Variants in MROH2B observed in about 807,000 individuals in gnomAD.
MROH2B encodes the protein maestro heat like repeat family member 2B, also known as maestro heat-like repeat-containing protein family member 2B.
Under a neutral mutation model 208.6 loss-of-function variants are expected in MROH2B, and 177 were observed. The observed-to-expected ratio is 0.85, with a 90% CI of 0.75 to 0.96. The LOEUF is 0.96. Among genes scored for constraint, MROH2B ranks in the 40% least tolerant of loss-of-function variants. The pLI, the probability that MROH2B is intolerant of heterozygous loss-of-function variation, is 0.00. For synonymous variants in MROH2B, 728 were observed against 659.0 expected, an observed-to-expected ratio of 1.10 and a Z score of -1.60; for missense variants, 2,002 against 1,878.7, an observed-to-expected ratio of 1.07 and a Z score of -1.21.
chr5:41,057,562 C>CTTTTTTTTTTTTTTTTTTT (rs1743497906), intron 7 of MROH2B, among the ~76,000 whole-genome samples: 1 of 4,370 alleles, frequency 2.3e-4, no homozygotes, highest in African/African-American at 5.4e-4. Context: ...GAATATCCCT[C>CTTTTTTTTTTTTTTTTTTT]CTTTTTTTTT....
At position 41,055,771 on chromosome 5, in the gene MROH2B, G is replaced by A. The variant is rs1364865414; in HGVS notation, c.1004C>T (p.Thr335Ile). ...NNEAIRVGIL[T>I]LLRLAVNADE... is the part of the protein sequence containing the mutation. Reference sequence around the variant, plus strand: ...AGCATTGACAGCCAATCTTAACAAAGTCAAGATTCCCACTCGAATGGCTTC... The same window carrying A: ...AGCATTGACAGCCAATCTTAACAAAATCAAGATTCCCACTCGAATGGCTTC... The change falls in exon 10 of 42, where the codon ACT becomes ATT. Residue 335 changes from threonine to isoleucine, a missense_variant. Thr to Ile is a moderately conservative substitution (Grantham distance 89). Transcript: ENST00000399564. The A allele has an allele frequency of 6.2e-7, 1 of 1,613,710 alleles. No individual in the cohort carries two copies. The highest frequency in any genetic ancestry group is 2.2e-5 in the East Asian group (1 of 44,856).
At chr5:41,039,377 A>T (rs1742870388) in intron 20 of MROH2B, 71 bp downstream of exon 20, 1 of 862,848 alleles carries the variant, frequency 1.2e-6, no homozygotes, top group African/African-American at 1.7e-5. Context: ...ATAAGAAAGG[A>T]TATTCACTGA....
At chr5:41,053,832 C>A (rs1268103236) in intron 11 of MROH2B, among the ~76,000 whole-genome samples, 1 of 152,190 alleles carries the variant, frequency 6.6e-6, no homozygotes, top group East Asian at 1.9e-4. Context: ...TAGTCACTGG[C>A]AGTCAAAGCT....
chr5:41,017,806 T>C (rs534220485), intron 28 of MROH2B, 44 bp downstream of exon 28: 1 of 1,539,098 alleles, frequency 6.5e-7, no homozygotes, highest in African/African-American at 1.4e-5. Context: ...TAAAAGAAGA[T>C]GGGTTTCTTT....
At chr5:41,035,345 C>G (rs192815695) in intron 21 of MROH2B, among the ~76,000 whole-genome samples, 8 of 152,140 alleles carry the variant, frequency 5.3e-5, no homozygotes, top group Admixed American at 3.9e-4. Context: ...AAAGGACTCC[C>G]TACTCAATAA....
chr5:41,022,406 C>T (rs925826602), intron 24 of MROH2B, among the ~76,000 whole-genome samples: 7 of 152,000 alleles, frequency 4.6e-5, no homozygotes, highest in East Asian at 1.9e-4. Flanking sequence ...GATTATATCC[C>T]GCGCCTGGCT....
Position 41,070,928 on chromosome 5 carries a change from A to C in MROH2B, c.-76T>G. On this transcript the variant is annotated 5_prime_UTR_variant, in exon 1 of 42. Coordinates refer to ENST00000399564, the MANE Select transcript of MROH2B (RefSeq NM_173489.5). ...AGTAAGGCTAAAAAATCAAAGAGGC[A>C]GGTTGGCAAGTTTCTCATATAAGGT... is the stretch of plus-strand genomic sequence containing the variant. 6.7e-7 allele frequency: 1 copy of C among 1,488,406 alleles called. No homozygotes were observed. Among genetic ancestry groups the C allele is most frequent in the Non-Finnish European group, 9.2e-7 (1 of 1,083,618 alleles). The allele number at this position is 1,488,406 out of a possible 1,614,324, so 92.2% of individuals were successfully genotyped here. A position where few individuals can be genotyped will look rare whatever the true frequency, so the allele number is the denominator to read the frequency against.
rs1561282260 is a variant in MROH2B at position 41,018,768 on chromosome 5, T to C, written c.2596A>G (p.Met866Val). 1 of 1,613,898 alleles carries C rather than the reference T, an allele frequency of 6.2e-7. No homozygotes were observed. The highest frequency in any genetic ancestry group is 8.5e-7 in the Non-Finnish European group (1 of 1,179,828). Residue 866 changes from methionine to valine, a missense_variant, in exon 26 of 42, where the codon ATG (methionine) becomes GTG (valine). Coordinates refer to ENST00000399564, the MANE Select transcript of MROH2B (RefSeq NM_173489.5). ...EHIQFLYERS[M>V]DALGKLLKTM... Reference sequence around the variant, plus strand: ...TTCAGAAGTTTTCCTAGGGCGTCCATGGATCGTTCATAGAGAAACTGAAAT... The same window carrying C: ...TTCAGAAGTTTTCCTAGGGCGTCCACGGATCGTTCATAGAGAAACTGAAAT...
In MROH2B at chr5:41,008,621, A is replaced by T. The variant is rs773618642; in HGVS notation, c.3593T>A (p.Ile1198Asn). 73 of 1,613,706 alleles carry T rather than the reference A, an allele frequency of 4.5e-5. No homozygotes were observed. In the East Asian group the frequency reaches 1.1e-3, roughly 24 times the overall value. Residue 1198 changes from isoleucine (I) to asparagine (N), a missense_variant, in exon 33 of 42, where the codon ATC becomes AAC. By Grantham distance (149) the Ile-to-Asn change is moderately radical (BLOSUM62 -3). Transcript: ENST00000399564. The part of the protein sequence containing the change: ...HVMQQGEQQQ[I>N]PDPCRLSTAT... ...GGCCGTTTACCTGCAGGGGTCTGGG[A>T]TCTGCTGCTGTTCTCCCTGCTGCAT...
At chr5:41,030,835 T>C (rs1326013461) in intron 24 of MROH2B, among the ~76,000 whole-genome samples, 1 of 152,104 alleles carries the variant, frequency 6.6e-6, no homozygotes, top group East Asian at 1.9e-4. Context: ...ACAATATGAA[T>C]GTATTTAACA....
chr5:41,033,946 T>A lies in MROH2B; in HGVS notation c.2215-82A>T, dbSNP rs1230487861. 4 of 1,423,364 alleles carry A rather than the reference T, an allele frequency of 2.8e-6. No individual in the cohort carries two copies. The East Asian group carries it at 1.3e-4, about 47-fold the overall frequency. 88.2% of individuals were successfully genotyped at this position (1,423,364 alleles called of 1,614,324 possible). Reference sequence around the variant, plus strand: ...CCAACCCAACAAAAGGACTCACCCATCAACCTGAAGGACAATAGTAAAGCA... The same window carrying A: ...CCAACCCAACAAAAGGACTCACCCAACAACCTGAAGGACAATAGTAAAGCA... On this transcript the variant is annotated intron_variant, in intron 21 of 41. Coordinates refer to ENST00000399564, the MANE Select transcript of MROH2B (RefSeq NM_173489.5).
At chr5:41,054,634 G>T in intron 11 of MROH2B, 133 bp downstream of exon 11, 1 of 558,986 alleles carries the variant, frequency 1.8e-6, no homozygotes, top group Non-Finnish European at 2.9e-6. Flanking sequence ...GGAAAAGATG[G>T]AGTTCTTTTA....
intron 21 of MROH2B, among the ~76,000 whole-genome samples, chr5:41,034,453 C>T (rs1015436659): frequency 1.3e-5 from 2 of 152,074 alleles, no homozygotes; most frequent in Admixed American, 1.3e-4. Flanking sequence ...CACGTGCACA[C>T]ACCCCATGAA....
chr5:41,031,811 C>T (rs1742580545), intron 24 of MROH2B, among the ~76,000 whole-genome samples: 1 of 152,096 alleles, frequency 6.6e-6, no homozygotes, highest in Non-Finnish European at 1.5e-5. Flanking sequence ...GTATTTAGCT[C>T]TCACTTATAA....
chr5:41,070,732 A>T (rs1457877325), intron 1 of MROH2B, 93 bp downstream of exon 1: 2 of 1,271,132 alleles, frequency 1.6e-6, no homozygotes, highest in Non-Finnish European at 2.2e-6. Context: ...TCCCACAATG[A>T]CGCGCCACTC....
intron 17 of MROH2B, 33 bp downstream of exon 17, chr5:41,047,688 A>G (rs1171442601): frequency 2.6e-6 from 4 of 1,568,396 alleles, no homozygotes; most frequent in Non-Finnish European, 2.6e-6. Context: ...TCATCATGCC[A>G]TTATTAAAAA....
chr5:41,065,796 G>A (rs949245603), intron 3 of MROH2B, among the ~76,000 whole-genome samples: 5 of 152,112 alleles, frequency 3.3e-5, no homozygotes, highest in Admixed American at 2.6e-4. Context: ...AGTTACCTCT[G>A]CTTTCCCAGC....
intron 19 of MROH2B, 76 bp from the exon 20 acceptor site, chr5:41,039,631 T>G: frequency 3.0e-6 from 3 of 997,090 alleles, no homozygotes; most frequent in Non-Finnish European, 4.4e-6. Flanking sequence ...GCACCTATTA[T>G]GTGCCAGGTA....
At chr5:41,031,072 A>T (rs1579930607) in intron 24 of MROH2B, among the ~76,000 whole-genome samples, 1 of 152,112 alleles carries the variant, frequency 6.6e-6, no homozygotes, top group East Asian at 1.9e-4. Context: ...AGAAATAAAG[A>T]CTTAAAGGAA....
Sources: gnomAD v4.1 joint callset for allele counts (sites outside exome capture counted in the v4.1 genomes callset) on GRCh38, gnomAD v4.1.1 for gene constraint, MANE v1.5 for transcripts, NCBI Gene and HGNC (gene_info 2026-07-23, HGNC 2026-07-21) for gene names.